The following NEB variants were observed in gnomAD, a reference collection of about 807,000 sequenced individuals.
The protein encoded by NEB is nemaline myopathy type 2.
Under a neutral mutation model 952.2 loss-of-function variants are expected in NEB, and 512 were observed. The observed-to-expected ratio is 0.54, with a 90% confidence interval of 0.50 to 0.58. The LOEUF is 0.58. Ranked by LOEUF, NEB falls within the 20% of genes least tolerant of loss-of-function variation. The pLI is 0.00. For synonymous variants in NEB, 2,900 were observed against 3,149.8 expected, an observed-to-expected ratio of 0.92 and a Z score of 2.66; for missense variants, 8,428 against 9,231.1, an observed-to-expected ratio of 0.91 and a Z score of 3.56.
intron 158 of NEB, 120 bp downstream of exon 158, chr2:151,514,698 G>T: frequency 1.3e-6 from 1 of 742,056 alleles, no homozygotes; most frequent in Non-Finnish European, 2.2e-6. Flanking sequence ...AAGCACATGA[G>T]AACCCAATTT....
intron 168 of NEB, among the ~76,000 whole-genome samples, chr2:151,500,252 C>CAAAGA (rs1013988052): frequency 6.6e-6 from 1 of 151,994 alleles, no homozygotes; most frequent in Non-Finnish European, 1.5e-5. Context: ...CTAATTATGT[C>CAAAGA]AAAGAATCAA....
Position 151,675,355 on chromosome 2 carries a change from T to C in NEB, c.3811A>G (p.Lys1271Glu). The change falls in exon 35 of 182, where the codon AAA becomes GAA. Residue 1271 changes from lysine to glutamate, a missense_variant. Around this residue, in one of 11 missense-constraint regions of NEB, gnomAD observed 2,851 missense variants for 2,791.5 expected, o/e 1.02. Transcript: ENST00000397345. ...GGAAGATCAGGACTCATGGTGTATT[T>C]ATGTTTCACATCTTCTCCTTTAGCC... ...YKAKGEDVKHKYTMSPDLPQF... is the reference protein window; with the variant it reads ...YKAKGEDVKHEYTMSPDLPQF... The C allele has an allele frequency of 6.3e-7, 1 of 1,590,140 alleles. No homozygotes were observed. Among genetic ancestry groups the C allele is most frequent in the Non-Finnish European group, 8.6e-7 (1 of 1,166,108 alleles).
chr2:151,595,386 G>A (rs1251959998), intron 92 of NEB, among the ~76,000 whole-genome samples: 1 of 152,250 alleles, frequency 6.6e-6, no homozygotes, highest in Non-Finnish European at 1.5e-5. Flanking sequence ...TGAGTAGCTG[G>A]GATTACAGGC....
In NEB at chr2:151,576,354, C is replaced by T; in HGVS notation, c.16705G>A (p.Ala5569Thr). ...CACTCCAAGTCAGCCTTGTAGAGGG[C>T]CTGAAAAAGAAAACACAGGTAGAAG... is the stretch of plus-strand genomic sequence containing the variant. ...ARKAYDLQSD[A>T]LYKADLEWLR... Residue 5569 changes from alanine (A) to threonine (T), a missense_variant and splice_region_variant, in exon 106 of 182, where the codon GCC becomes ACC. Coordinates refer to ENST00000397345, the MANE Select transcript of NEB (RefSeq NM_001164508.2). 1 of 1,581,328 alleles carries T rather than the reference C, an allele frequency of 6.3e-7. No individual in the cohort carries two copies. Among genetic ancestry groups the T allele is most frequent in the Non-Finnish European group, 8.6e-7 (1 of 1,159,942 alleles).
intron 52 of NEB, among the ~76,000 whole-genome samples, chr2:151,652,523 C>G (rs1052961970): frequency 6.6e-6 from 1 of 152,120 alleles, no homozygotes; most frequent in African/African-American, 2.4e-5. Context: ...CTGCACCCAG[C>G]CTCCAAAATT....
Position 151,696,745 on chromosome 2 carries a change from AG to A in NEB, c.1471-11del, listed in dbSNP as rs2099599349. 3 of 1,609,454 alleles carry A rather than the reference AG, an allele frequency of 1.9e-6. No homozygotes were observed. Among genetic ancestry groups the A allele is most frequent in the Non-Finnish European group, 2.6e-6 (3 of 1,176,002 alleles). ...GGACTTTGTAGGTGTGCTGTGGGGA[AG>A]CAAAGGCATTTGGTTTAGTAGTATC... On this transcript the variant is annotated splice_polypyrimidine_tract_variant and intron_variant, in intron 16 of 181. Transcript: ENST00000397345.
In NEB at chr2:151,513,576, T is replaced by A. The variant is rs1255750425; in HGVS notation, c.23241+4A>T. The A allele has an allele frequency of 1.9e-6, 3 of 1,596,442 alleles. No homozygotes were observed. The South Asian group carries it at 3.4e-5, about 18-fold the overall frequency. ...AAAGATTGACATCGAATAGTAGCACTGACCTGACTGGCAATATCAGTAGCA... is the reference window on the plus strand; with the variant it reads ...AAAGATTGACATCGAATAGTAGCACAGACCTGACTGGCAATATCAGTAGCA... On this transcript the variant is annotated splice_donor_region_variant and intron_variant, in intron 160 of 181. Coordinates refer to ENST00000397345, the MANE Select transcript of NEB (RefSeq NM_001164508.2).
At position 151,531,792 on chromosome 2, in the gene NEB, A is replaced by T. The variant is rs185169373; in HGVS notation, c.21522T>A (p.Asp7174Glu). Residue 7174 changes from aspartate to glutamate, a missense_variant and splice_region_variant, in exon 144 of 182, where the codon GAT (aspartate) becomes GAA (glutamate). This residue lies in a region of NEB where 3,374 missense variants were observed against 3,651.5 expected (regional missense o/e 0.92). Coordinates refer to ENST00000397345, the MANE Select transcript of NEB (RefSeq NM_001164508.2). ...RTTKVNKQIS[D>E]ILYKLEYNKA... is the part of the protein sequence containing the mutation. ...GGTATTCAGTGTTTCTTGCACTTAC[A>T]TCGCTGATTTGTTTGTTGACTTTTG... 6.2e-7 allele frequency: 1 copy of T among 1,605,640 alleles called. No individual in the cohort carries two copies. Among genetic ancestry groups the T allele is most frequent in the Non-Finnish European group, 8.5e-7 (1 of 1,173,516 alleles).
intron 38 of NEB, 23 bp downstream of exon 38, chr2:151,671,000 C>A: frequency 6.2e-7 from 1 of 1,602,762 alleles, no homozygotes; most frequent in South Asian, 1.1e-5. Flanking sequence ...ACGGGCAAAT[C>A]ATTTTGAAAG....
chr2:151,641,912 C>T (rs1372979112), intron 60 of NEB, among the ~76,000 whole-genome samples: 1 of 152,154 alleles, frequency 6.6e-6, no homozygotes, highest in Non-Finnish European at 1.5e-5. Context: ...GTGCTGCACC[C>T]ATTAACTGAT....
At chr2:151,502,150 A>G (rs924027072) in intron 167 of NEB, among the ~76,000 whole-genome samples, 1 of 152,186 alleles carries the variant, frequency 6.6e-6, no homozygotes, top group African/African-American at 2.4e-5. Flanking sequence ...GTTCTCACTG[A>G]TATGTGGGAA....
intron 45 of NEB, 50 bp from the exon 46 acceptor site, chr2:151,662,391 G>A: frequency 6.9e-7 from 1 of 1,448,026 alleles, no homozygotes; most frequent in Non-Finnish European, 9.3e-7. Context: ...AACTTCCCAA[G>A]AATCCTAAGT....
intron 173 of NEB, chr2:151,495,145 T>C (rs984973914): frequency 2.6e-5 from 4 of 152,252 alleles, no homozygotes; most frequent in African/African-American, 9.6e-5. Context: ...TTGGCTCTTA[T>C]ATCACTATCA....
At chr2:151,621,629 C>T (rs2154029645) in intron 71 of NEB, among the ~76,000 whole-genome samples, 1 of 152,286 alleles carries the variant, frequency 6.6e-6, no homozygotes, top group Non-Finnish European at 1.5e-5. Context: ...TGAGAAAGCA[C>T]CACCACTGTT....
intron 148 of NEB, among the ~76,000 whole-genome samples, 197 bp from the exon 149 acceptor site, chr2:151,526,459 A>C (rs1047129123): frequency 1.3e-5 from 2 of 152,184 alleles, no homozygotes; most frequent in African/African-American, 4.8e-5. Flanking sequence ...TAACAATCAA[A>C]ATGGATCTCG....
intron 170 of NEB, 50 bp downstream of exon 170, chr2:151,498,210 G>A (rs2061656970): frequency 1.9e-6 from 3 of 1,549,582 alleles, no homozygotes; most frequent in Middle Eastern, 3.4e-4. Context: ...GTAAAGATCA[G>A]TTTAATTCTG....
At chr2:151,626,458 C>T (rs2098526915) in intron 70 of NEB, among the ~76,000 whole-genome samples, 1 of 151,858 alleles carries the variant, frequency 6.6e-6, no homozygotes, top group Non-Finnish European at 1.5e-5. Flanking sequence ...AATAAGTACT[C>T]AGCAAGAAAG....
At chr2:151,662,109 A>C in intron 46 of NEB, 26 bp downstream of exon 46, 1 of 1,581,702 alleles carries the variant, frequency 6.3e-7, no homozygotes, top group Non-Finnish European at 8.7e-7. Context: ...GATGCATATG[A>C]AACACTGCAT....
At chr2:151,609,725 G>C in intron 81 of NEB, 84 bp downstream of exon 81, 1 of 1,346,560 alleles carries the variant, frequency 7.4e-7, no homozygotes, top group Non-Finnish European at 1.0e-6. Flanking sequence ...CACAGCCCAG[G>C]GGACTGTCCT....
Sources: gnomAD v4.1 joint callset for allele counts (sites outside exome capture counted in the v4.1 genomes callset) on GRCh38, gnomAD v4.1.1 for gene constraint, gnomAD v4.1.1 regional missense constraint, MANE v1.5 for transcripts, NCBI Gene and HGNC (gene_info 2026-07-23, HGNC 2026-07-21) for gene names.